The following ZNF318 variants were observed in gnomAD, a reference collection of about 807,000 sequenced individuals.
The protein encoded by ZNF318 is zinc finger protein 318, also known as endocrine regulator.
In ZNF318, 51 loss-of-function variants were observed where a neutral mutation model predicts 124.2. The ratio of observed to expected loss-of-function variants is 0.41; its 90% CI spans 0.33 to 0.52. The LOEUF (loss-of-function observed/expected upper bound fraction) is 0.52. Ranked by LOEUF, ZNF318 falls within the 20% of genes least tolerant of loss-of-function variation. ZNF318 has a pLI of 0.23. For synonymous variants in ZNF318, 1,090 were observed against 1,040.7 expected (o/e 1.05, Z -0.91); for missense variants, 2,815 against 2,811.2 (o/e 1.00, Z -0.03).
intron 5 of ZNF318, among the ~76,000 whole-genome samples, chr6:43,350,736 G>A (rs978895863): frequency 2.0e-5 from 3 of 151,966 alleles, no homozygotes; most frequent in Non-Finnish European, 4.4e-5. Flanking sequence ...CCTGAGCCAG[G>A]AAGCGAGGCT....
intron 4 of ZNF318, among the ~76,000 whole-genome samples, chr6:43,354,253 C>G (rs998551546): frequency 3.9e-5 from 6 of 152,282 alleles, no homozygotes; most frequent in African/African-American, 1.4e-4. Flanking sequence ...AACTTTAACT[C>G]ATAATCATTA....
chr6:43,369,250 C>T lies in ZNF318; in HGVS notation c.116G>A (p.Ser39Asn), dbSNP rs1207015129. ...GCCGGAGGGCGGAGGCGGCGGTGAG[C>T]TGCGGCGAGCCGGGCCTGAGGAGGA... is the stretch of plus-strand genomic sequence containing the variant. ...SGSSSGPARR[S>N]SPPPPPSGSS... The change falls in exon 1 of 10, where the codon AGC becomes AAC. Residue 39 changes from serine to asparagine, a missense_variant. Physicochemically the swap from Ser to Asn is conservative, Grantham distance 46. This residue lies in a region of ZNF318 where 1,377 missense variants were observed against 1,353.5 expected (regional missense o/e 1.02). Coordinates refer to ENST00000361428, the MANE Select transcript of ZNF318 (RefSeq NM_014345.3). 1.4e-5 allele frequency: 17 copies of T among 1,254,286 alleles called. No individual in the cohort carries two copies. Among genetic ancestry groups the T allele is most frequent in the Non-Finnish European group, 1.7e-5 (17 of 998,862 alleles). The allele number at this position is 1,254,286 out of a possible 1,614,324, so 77.7% of individuals were successfully genotyped here. A position where few individuals can be genotyped will look rare whatever the true frequency, so the allele number is the denominator to read the frequency against.
rs751687081 is a variant in ZNF318 at position 43,365,347 on chromosome 6, G to A, written c.493C>T (p.Arg165Ter). 1.9e-6 allele frequency: 3 copies of A among 1,614,112 alleles called. No individual in the cohort carries two copies. The highest frequency in any genetic ancestry group is 1.1e-5 in the South Asian group (1 of 91,080). ...DHFCVSTPER[R>*]RLSDRLGSPV... ...GACCCCAGCCGATCACTAAGCCGTC[G>A]CCGTTCTGGTGTGCTAACACAGAAG... The change falls in exon 2 of 10, where the codon CGA (arginine) becomes TGA (stop). Residue 165 changes from arginine to a stop codon, truncating the protein, a stop_gained. Coordinates refer to ENST00000361428, the MANE Select transcript of ZNF318 (RefSeq NM_014345.3). LOFTEE classifies it high-confidence loss of function.
chr6:43,360,501 A>T (rs775781331), intron 2 of ZNF318, among the ~76,000 whole-genome samples: 6 of 152,124 alleles, frequency 3.9e-5, no homozygotes, highest in Non-Finnish European at 7.3e-5. Context: ...CTATCTATTT[A>T]AAAAAACTGA....
intron 1 of ZNF318, among the ~76,000 whole-genome samples, chr6:43,366,444 T>C (rs1196517308): frequency 6.6e-6 from 1 of 152,110 alleles, no homozygotes; most frequent in Non-Finnish European, 1.5e-5. Context: ...CTCACCTCCT[T>C]CAGATCTTTA....
In ZNF318 at chr6:43,348,379, T is replaced by A; in HGVS notation, c.3017A>T (p.Glu1006Val). ...CACTTTTTCTGGGCTCTTAGATTTT[T>A]CTGCTTTCCCAGGCTTCTCTGTAGG... ...REPTEKPGKA[E>V]KSKSPEKVSS... The change falls in exon 6 of 10, where the codon GAA becomes GTA. Residue 1006 changes from glutamate to valine, a missense_variant. By Grantham distance (121) the Glu-to-Val change is moderately radical. Around this residue, in one of 4 missense-constraint regions of ZNF318, gnomAD observed 1,377 missense variants for 1,353.5 expected, o/e 1.02. Coordinates refer to ENST00000361428, the MANE Select transcript of ZNF318 (RefSeq NM_014345.3). 3.1e-6 allele frequency: 5 copies of A among 1,613,440 alleles called. No individual in the cohort carries two copies. Among genetic ancestry groups the A allele is most frequent in the Non-Finnish European group, 4.2e-6 (5 of 1,179,884 alleles).
intron 6 of ZNF318, among the ~76,000 whole-genome samples, chr6:43,345,926 G>T (rs1779432906): frequency 6.6e-6 from 1 of 151,996 alleles, no homozygotes; most frequent in Admixed American, 6.6e-5. Flanking sequence ...CCTGGGGACG[G>T]GCGCAGTGGC....
rs1451528568 is a variant in ZNF318 at position 43,357,548 on chromosome 6, T to C, written c.766A>G (p.Lys256Glu). The change falls in exon 3 of 10, where the codon AAA (lysine) becomes GAA (glutamate). Residue 256 changes from lysine to glutamate, a missense_variant. By Grantham distance (56) the Lys-to-Glu change is moderately conservative (BLOSUM62 1). Coordinates refer to ENST00000361428, the MANE Select transcript of ZNF318 (RefSeq NM_014345.3). Reference sequence around the variant, plus strand: ...GATCGTATGGAGTAGCCTTTGAGTTTTTCTCGATTCCGTTCTGTTCCCCGC... The same window carrying C: ...GATCGTATGGAGTAGCCTTTGAGTTCTTCTCGATTCCGTTCTGTTCCCCGC... ...LLRGTERNRE[K>E]LKGYSIRSEE... 1 of 1,614,122 alleles carries C rather than the reference T, an allele frequency of 6.2e-7. No individual in the cohort carries two copies. Among genetic ancestry groups the C allele is most frequent in the Non-Finnish European group, 8.5e-7 (1 of 1,180,010 alleles).
At chr6:43,368,918 G>C (rs1562138659) in intron 1 of ZNF318, 49 bp downstream of exon 1, 1 of 1,309,326 alleles carries the variant, frequency 7.6e-7, no homozygotes, top group Non-Finnish European at 9.8e-7. Flanking sequence ...GGAATTCCGG[G>C]GGAGGGGACT....
intron 5 of ZNF318, among the ~76,000 whole-genome samples, chr6:43,349,386 C>CTT (rs369338217): frequency 0.089 from 11,063 of 124,096 alleles, 537 homozygotes; most frequent in Middle Eastern, 0.12. Flanking sequence ...TCTGGTTTAT[C>CTT]TTTTTTTTTT....
intron 1 of ZNF318, among the ~76,000 whole-genome samples, chr6:43,367,865 G>C (rs1247972634): frequency 6.6e-6 from 1 of 152,102 alleles, no homozygotes; most frequent in East Asian, 1.9e-4. Flanking sequence ...TTGTTACTAA[G>C]TTTAAAAAAA....
At position 43,369,313 on chromosome 6, in the gene ZNF318, T is replaced by C; in HGVS notation, c.53A>G (p.Asp18Gly). Residue 18 changes from aspartate (D) to glycine (G), a missense_variant, in exon 1 of 10, where the codon GAC becomes GGC. Transcript: ENST00000361428. ...SSVSSHRPKD[D>G]GGGGPRSGRS... ...GCCGCTGCGCGGGCCGCCCCCGCCGTCGTCTTTAGGCCGGTGGGAAGAGAC... is the reference window on the plus strand; with the variant it reads ...GCCGCTGCGCGGGCCGCCCCCGCCGCCGTCTTTAGGCCGGTGGGAAGAGAC... 7.4e-7 allele frequency: 1 copy of C among 1,347,728 alleles called. No homozygotes were observed. Among genetic ancestry groups the C allele is most frequent in the South Asian group, 1.5e-5 (1 of 64,602 alleles). 83.5% of individuals were successfully genotyped at this position (1,347,728 alleles called of 1,614,324 possible).
Position 43,369,372 on chromosome 6 carries a change from T to G in ZNF318, c.-7A>C, listed in dbSNP as rs913086196. On this transcript the variant is annotated 5_prime_UTR_variant, in exon 1 of 10. Transcript: ENST00000361428. ...GAGCGCTGCTGCGGTACATGGTTCT[T>G]GCAGCGGCGGCCACGGCGACAGCTC... 47 of 1,254,478 alleles carry G rather than the reference T, an allele frequency of 3.7e-5. No homozygotes were observed. In the East Asian group the frequency reaches 1.5e-3, roughly 41 times the overall value. The allele number at this position is 1,254,478 out of a possible 1,614,324, so 77.7% of individuals were successfully genotyped here.
Position 43,336,689 on chromosome 6 carries a change from A to G in ZNF318, c.*469T>C, listed in dbSNP as rs1166346196. ...ACAATTCTTCCAAGTTTTCCATTTC[A>G]GCAAGCTTTCTGGTGTTTTTCCCAG... On this transcript the variant is annotated 3_prime_UTR_variant, in exon 10 of 10. Transcript: ENST00000361428. 1 of 152,692 alleles carries G rather than the reference A, an allele frequency of 6.5e-6. No homozygotes were observed. The highest frequency in any genetic ancestry group is 1.9e-4 in the East Asian group (1 of 5,192). 9.5% of individuals were successfully genotyped at this position (152,692 alleles called of 1,614,324 possible). A position where few individuals can be genotyped will look rare whatever the true frequency, so the allele number is the denominator to read the frequency against.
chr6:43,338,027 C>G lies in ZNF318; in HGVS notation c.5971G>C (p.Val1991Leu). ...ELQDVHPELT[V>L]TIESKALEDF... is the part of the protein sequence containing the mutation. ...TCTAGGGCCTTGCTTTCTATTGTCA[C>G]TGTTAACTCTGGATGGACATCTTGT... The change falls in exon 10 of 10, where the codon GTG becomes CTG. Residue 1991 changes from valine (V) to leucine (L), a missense_variant. Val to Leu is a conservative substitution (Grantham distance 32). Around this residue, in one of 4 missense-constraint regions of ZNF318, gnomAD observed 927 missense variants for 820.6 expected, o/e 1.13. Transcript: ENST00000361428. 6.2e-7 allele frequency: 1 copy of G among 1,614,222 alleles called. No homozygotes were observed. The highest frequency in any genetic ancestry group is 8.5e-7 in the Non-Finnish European group (1 of 1,180,038).
chr6:43,350,500 A>G (rs1057087360), intron 5 of ZNF318, among the ~76,000 whole-genome samples: 17 of 152,174 alleles, frequency 1.1e-4, no homozygotes, highest in Non-Finnish European at 4.4e-5. Flanking sequence ...AAAGCCAACT[A>G]ATAAAGCTAG....
chr6:43,366,937 C>T (rs982129475), intron 1 of ZNF318, among the ~76,000 whole-genome samples: 3 of 152,044 alleles, frequency 2.0e-5, no homozygotes, highest in Admixed American at 6.6e-5. Flanking sequence ...CTGCAAGCTC[C>T]GCCTCCCAGG....
chr6:43,348,464 G>A lies in ZNF318; in HGVS notation c.2932C>T (p.Gln978Ter). The change falls in exon 6 of 10, where the codon CAG becomes TAG. Residue 978 changes from glutamine (Q) to a stop codon, truncating the protein, a stop_gained. Transcript: ENST00000361428. LOFTEE classifies it high-confidence loss of function. ...KKQSELDKVA[Q>*]ILGINIFDKS... is the part of the protein sequence containing the mutation. ...TCGAAGATGTTAATTCCCAAGATCT[G>A]AGCCACTTTGTCCAGTTCAGATTGC... 1 of 1,614,058 alleles carries A rather than the reference G, an allele frequency of 6.2e-7. No homozygotes were observed. The highest frequency in any genetic ancestry group is 8.5e-7 in the Non-Finnish European group (1 of 1,180,016).
Position 43,337,450 on chromosome 6 carries a change from T to C in ZNF318, c.6548A>G (p.Gln2183Arg), listed in dbSNP as rs1218242885. 4 of 1,614,210 alleles carry C rather than the reference T, an allele frequency of 2.5e-6. No homozygotes were observed. The highest frequency in any genetic ancestry group is 2.2e-5 in the East Asian group (1 of 44,890). ...VDFVTRTSGVQKDKLCSPLSE... is the reference protein window; with the variant it reads ...VDFVTRTSGVRKDKLCSPLSE... ...GAGTGGAGAACACAGTTTATCTTTT[T>C]GAACTCCAGAGGTCCGTGTGACAAA... Residue 2183 changes from glutamine (Q) to arginine (R), a missense_variant, in exon 10 of 10, where the codon CAA becomes CGA. Physicochemically the swap from Gln to Arg is conservative, Grantham distance 43. Around this residue, in one of 4 missense-constraint regions of ZNF318, gnomAD observed 927 missense variants for 820.6 expected, o/e 1.13. Transcript: ENST00000361428.
Sources: allele counts gnomAD v4.1 joint callset (sites outside exome capture counted in the v4.1 genomes callset), GRCh38; gene constraint gnomAD v4.1.1; regional missense constraint gnomAD v4.1.1; transcripts MANE v1.5; gene names NCBI Gene and HGNC (gene_info 2026-07-23, HGNC 2026-07-21).